Variants in PTPRN2 observed in about 807,000 individuals in gnomAD.
PTPRN2 encodes the protein protein tyrosine phosphatase receptor type N2, also known as receptor-type tyrosine-protein phosphatase N2.
In PTPRN2, 74 loss-of-function variants were observed where a neutral mutation model predicts 118.8. That is an observed-to-expected ratio of 0.62 (90% CI 0.52 to 0.76). The LOEUF (loss-of-function observed/expected upper bound fraction) is 0.76. Ranked by LOEUF, PTPRN2 falls within the 30% of genes least tolerant of loss-of-function variation. PTPRN2 has a pLI of 0.00. For missense variants in PTPRN2, 1,481 were observed against 1,394.4 expected, an observed-to-expected ratio of 1.06 and a Z score of -0.99; for synonymous variants, 641 against 608.0, an observed-to-expected ratio of 1.05 and a Z score of -0.80.
intron 11 of PTPRN2, among the ~76,000 whole-genome samples, chr7:157,985,309 C>T (rs190671894): frequency 9.1e-4 from 139 of 152,282 alleles, no homozygotes; most frequent in East Asian, 8.1e-3. Context: ...CTAGAGAGAC[C>T]GGGCAAGCCA....
rs1804145691 is a variant in PTPRN2, at chr7:157,787,577, C to A, written c.1789-104640G>T. The stretch of plus-strand genomic sequence containing the variant: ...CTTGTCCTTCATGTCTTGTAGGCGA[C>A]CCCACAGAGAGAGAGGCAGAGGAGA... On this transcript the variant is annotated intron_variant, in intron 12 of 22. Transcript: ENST00000389418. The surrounding 1 kb of genome is among the most constrained non-coding windows in gnomAD (Gnocchi z 5.3). Among the ~76,000 whole-genome samples the A allele has an allele frequency of 6.6e-6, 1 of 152,280 alleles. No homozygotes were observed. The highest frequency in any genetic ancestry group is 1.9e-4 in the East Asian group (1 of 5,176).
At chr7:158,559,457 C>G (rs774041507) in intron 1 of PTPRN2, among the ~76,000 whole-genome samples, 5 of 152,218 alleles carry the variant, frequency 3.3e-5, no homozygotes, top group Non-Finnish European at 5.9e-5. Flanking sequence ...GGCACATCCA[C>G]TTGTTCACCT....
intron 13 of PTPRN2, among the ~76,000 whole-genome samples, chr7:157,677,066 G>C (rs2150796117): frequency 6.6e-6 from 1 of 152,162 alleles, no homozygotes. Context: ...TGCAGGGTGA[G>C]CACGTCTGGA....
chr7:157,580,001 T>A (rs866417177), intron 17 of PTPRN2, among the ~76,000 whole-genome samples: 6 of 152,182 alleles, frequency 3.9e-5, no homozygotes, highest in African/African-American at 1.4e-4. Flanking sequence ...TCAGAATACA[T>A]CGCAAAAAGT....
At chr7:158,106,402 G>T (rs145409239) in intron 10 of PTPRN2, among the ~76,000 whole-genome samples, 12 of 152,146 alleles carry the variant, frequency 7.9e-5, no homozygotes, top group African/African-American at 2.9e-4. Flanking sequence ...CAGCTCCAGC[G>T]CAGTTTCCTC....
intron 12 of PTPRN2, among the ~76,000 whole-genome samples, chr7:157,697,772 T>C (rs1398663705): frequency 2.2e-5 from 3 of 138,390 alleles, no homozygotes; most frequent in African/African-American, 5.5e-5. Context: ...TACTGGATCT[T>C]GGCAGAGCCC....
At position 158,198,131 on chromosome 7, in the gene PTPRN2, T is replaced by C. The variant is rs570853374; in HGVS notation, c.381-5636A>G. On this transcript the variant is annotated intron_variant, in intron 4 of 22. Coordinates refer to ENST00000389418, the MANE Select transcript of PTPRN2 (RefSeq NM_002847.5). Reference sequence around the variant, plus strand: ...GTATTTTGTCTACTTTTCTCACTAATTGCTAATCAATGCAAATGGAACCAC... The same window carrying C: ...GTATTTTGTCTACTTTTCTCACTAACTGCTAATCAATGCAAATGGAACCAC... Among the ~76,000 whole-genome samples the C allele has an allele frequency of 3.3e-5, 5 of 152,338 alleles. No individual in the cohort carries two copies. In the South Asian group the frequency reaches 1.0e-3, roughly 32 times the overall value.
At chr7:158,137,159 C>T (rs1219986631) in intron 7 of PTPRN2, among the ~76,000 whole-genome samples, 1 of 152,162 alleles carries the variant, frequency 6.6e-6, no homozygotes, top group Non-Finnish European at 1.5e-5. Context: ...TGGCTCACGC[C>T]TGTAATCCCA....
chr7:157,975,418 T>C (rs150903400), intron 11 of PTPRN2, among the ~76,000 whole-genome samples: 49 of 152,320 alleles, frequency 3.2e-4, no homozygotes, highest in African/African-American at 1.2e-3. Context: ...TGATGTCGGC[T>C]CAGGTCACCA....
intron 1 of PTPRN2, among the ~76,000 whole-genome samples, chr7:158,551,418 G>C (rs1013792393): frequency 6.6e-6 from 1 of 151,878 alleles, no homozygotes; most frequent in African/African-American, 2.4e-5. Context: ...ATCAGGGGTG[G>C]GGTTCTCATG....
chr7:158,481,879 A>G (rs965428420), intron 2 of PTPRN2, among the ~76,000 whole-genome samples: 1 of 152,236 alleles, frequency 6.6e-6, no homozygotes, highest in East Asian at 1.9e-4. Flanking sequence ...ACCGTTCTAG[A>G]TGCCATTGAG....
Position 157,784,461 on chromosome 7 carries a change from C to CA in PTPRN2, c.1789-101525dup, listed in dbSNP as rs1299133062. On this transcript the variant is annotated intron_variant, in intron 12 of 22. Transcript: ENST00000389418. This position sits in a 1 kb window ranked among gnomAD's most constrained non-coding sequence, Gnocchi z 4.6. ...TCAGGGCTGGGTCCAGCCTCACCTGCAAAAGCTGTGGCTGCGGGAACCTTC... is the reference window on the plus strand; with the variant it reads ...TCAGGGCTGGGTCCAGCCTCACCTGCAAAAAGCTGTGGCTGCGGGAACCTTC... Among the ~76,000 whole-genome samples, 4 of 152,232 alleles carry CA rather than the reference C, an allele frequency of 2.6e-5. No homozygotes were observed. The highest frequency in any genetic ancestry group is 5.9e-5 in the Non-Finnish European group (4 of 68,046).
intron 3 of PTPRN2, among the ~76,000 whole-genome samples, chr7:158,292,106 C>T (rs1006441244): frequency 6.6e-6 from 1 of 152,202 alleles, no homozygotes; most frequent in Admixed American, 6.5e-5. Context: ...TGGATCCCTC[C>T]TCTCCCCACC....
intron 12 of PTPRN2, among the ~76,000 whole-genome samples, chr7:157,796,245 G>A (rs1804860954): frequency 6.6e-6 from 1 of 152,232 alleles, no homozygotes; most frequent in African/African-American, 2.4e-5. Flanking sequence ...AGGACTTGTG[G>A]CGCTTTTCTT....
intron 2 of PTPRN2, among the ~76,000 whole-genome samples, chr7:158,343,303 C>G (rs1586399734): frequency 6.6e-6 from 1 of 152,154 alleles, no homozygotes. Flanking sequence ...GGAAGGCGCC[C>G]AGCATCACCA....
chr7:158,070,771 ATGGTGGAGGTGCCCG>A (rs1811277670), intron 11 of PTPRN2, among the ~76,000 whole-genome samples: 13 of 21,318 alleles, frequency 6.1e-4, no homozygotes, highest in Admixed American at 1.6e-3. Flanking sequence ...GGAGGTGCTC[ATGGTGGAGGTGCCCG>A]TGGTGGTGGA....
rs1225816115 is a variant in PTPRN2 at position 157,794,846 on chromosome 7, A to G, written c.1788+103827T>C. ...ATATCACAAGCAAAATTTAAATCAC[A>G]AAATACTTCATATCTGCCTGCACTC... On this transcript the variant is annotated intron_variant, in intron 12 of 22. Coordinates refer to ENST00000389418, the MANE Select transcript of PTPRN2 (RefSeq NM_002847.5). This position sits in a 1 kb window ranked among gnomAD's most constrained non-coding sequence, Gnocchi z 5.2. 6.6e-6 allele frequency among the ~76,000 whole-genome samples: 1 copy of G among 152,246 alleles called. No homozygotes were observed. Among genetic ancestry groups the G allele is most frequent in the Non-Finnish European group, 1.5e-5 (1 of 68,042 alleles).
At chr7:157,728,986 A>T (rs573890483) in intron 12 of PTPRN2, among the ~76,000 whole-genome samples, 27 of 152,328 alleles carry the variant, frequency 1.8e-4, no homozygotes, top group Non-Finnish European at 1.5e-5. Context: ...ACCCGGGGCC[A>T]GGGGAGTTTG....
At chr7:157,689,427 C>G (rs1018431630) in intron 12 of PTPRN2, among the ~76,000 whole-genome samples, 1 of 152,220 alleles carries the variant, frequency 6.6e-6, no homozygotes, top group Non-Finnish European at 1.5e-5. Context: ...TGAACCGCGT[C>G]GTCCTCAGGG....
Sources: allele counts gnomAD v4.1 joint callset (sites outside exome capture counted in the v4.1 genomes callset), GRCh38; gene constraint gnomAD v4.1.1; non-coding constraint Gnocchi (gnomAD v3.1); transcripts MANE v1.5; gene names NCBI Gene and HGNC (gene_info 2026-07-23, HGNC 2026-07-21).